RARB: variants seen among roughly 807,000 people sequenced by gnomAD.
RARB encodes the protein retinoic acid receptor beta.
RARB carries 17 observed loss-of-function variants against 51.9 expected under a neutral mutation model. The observed-to-expected ratio is 0.33, with a 90% CI of 0.22 to 0.49. The LOEUF is 0.49. Among genes scored for constraint, RARB ranks in the 20% least tolerant of loss-of-function variants. The pLI is 0.99. For missense variants in RARB, 369 were observed against 550.8 expected, an observed-to-expected ratio of 0.67 and a Z score of 3.30; for synonymous variants, 215 against 195.4, an observed-to-expected ratio of 1.10 and a Z score of -0.84.
intron 2 of RARB, among the ~76,000 whole-genome samples, chr3:24,932,329 G>T (rs1234416405): frequency 1.3e-5 from 2 of 151,808 alleles, no homozygotes; most frequent in African/African-American, 2.4e-5. Flanking sequence ...CACCAGAATG[G>T]GGGATCTGGG....
chr3:25,119,578 A>G (rs1157384235), intron 3 of RARB, among the ~76,000 whole-genome samples: 2 of 151,996 alleles, frequency 1.3e-5, no homozygotes, highest in African/African-American at 4.8e-5. Flanking sequence ...GGTGCAGCAC[A>G]GGACAGGTGG....
chr3:24,829,340 G>A (rs1265253317), exon 1 of RARB, among the ~76,000 whole-genome samples: 2 of 151,964 alleles, frequency 1.3e-5, no homozygotes, highest in Non-Finnish European at 2.9e-5. Context: ...CAGCGGCGGC[G>A]GCAGGGGCTG....
intron 2 of RARB, among the ~76,000 whole-genome samples, chr3:24,916,348 G>T (rs951730442): frequency 6.6e-6 from 1 of 152,238 alleles, no homozygotes; most frequent in Non-Finnish European, 1.5e-5. Context: ...AGGGCATCAG[G>T]AGAGTAAGAT....
chr3:25,053,659 A>G (rs541860293), intron 2 of RARB, among the ~76,000 whole-genome samples: 1 of 152,314 alleles, frequency 6.6e-6, no homozygotes, highest in East Asian at 1.9e-4. Context: ...GCCAATAAAT[A>G]TAGCCCATGT....
At chr3:25,342,451 T>G (rs1341844141) in intron 5 of RARB, among the ~76,000 whole-genome samples, 1 of 152,146 alleles carries the variant, frequency 6.6e-6, no homozygotes, top group African/African-American at 2.4e-5. Context: ...ACTTTCCCAT[T>G]CTCTCTTACA....
At chr3:25,373,276 A>C (rs371685839) in intron 5 of RARB, among the ~76,000 whole-genome samples, 13 of 152,252 alleles carry the variant, frequency 8.5e-5, no homozygotes, top group African/African-American at 3.1e-4. Context: ...GAGAGAAAGA[A>C]AGACAGTACT....
chr3:24,963,510 C>T (rs930672941), intron 2 of RARB, among the ~76,000 whole-genome samples: 25 of 150,316 alleles, frequency 1.7e-4, no homozygotes, highest in African/African-American at 4.7e-4. Flanking sequence ...GATTATTTTC[C>T]GTTACATTAT....
At chr3:25,143,069 A>G (rs1036640869) in intron 4 of RARB, among the ~76,000 whole-genome samples, 3 of 152,188 alleles carry the variant, frequency 2.0e-5, no homozygotes, top group East Asian at 1.9e-4. Flanking sequence ...TTCTGAGTAG[A>G]AGTTAGCCTG....
At chr3:25,541,452 G>T (rs910510894) in intron 3 of RARB, among the ~76,000 whole-genome samples, 14 of 152,156 alleles carry the variant, frequency 9.2e-5, no homozygotes, top group African/African-American at 3.4e-4. Context: ...TACCTCTCCA[G>T]TGCTTGCAAC....
chr3:25,235,168 T>C (rs1017457017), intron 5 of RARB, among the ~76,000 whole-genome samples: 3 of 152,120 alleles, frequency 2.0e-5, no homozygotes, highest in African/African-American at 7.2e-5. Flanking sequence ...ATTCTTCAAG[T>C]TTTTACTTCC....
intron 1 of RARB, among the ~76,000 whole-genome samples, chr3:25,437,059 C>A (rs1708464519): frequency 6.6e-6 from 1 of 151,842 alleles, no homozygotes; most frequent in Non-Finnish European, 1.5e-5. Flanking sequence ...ACCAGGTAGG[C>A]CTTCTGCCCT....
At chr3:25,570,524 C>T (rs952263010) in intron 4 of RARB, among the ~76,000 whole-genome samples, 4 of 152,178 alleles carry the variant, frequency 2.6e-5, no homozygotes, top group Admixed American at 2.6e-4. Context: ...CCTCTGCTTC[C>T]CAGCGTTCCA....
intron 3 of RARB, among the ~76,000 whole-genome samples, chr3:25,559,847 T>C (rs2125677447): frequency 6.6e-6 from 1 of 152,258 alleles, no homozygotes; most frequent in Non-Finnish European, 1.5e-5. Context: ...AATGGGCAGC[T>C]GCATTGGATA....
intron 5 of RARB, among the ~76,000 whole-genome samples, chr3:25,286,532 T>C (rs1487555647): frequency 3.9e-5 from 6 of 152,212 alleles, no homozygotes; most frequent in African/African-American, 1.4e-4. Flanking sequence ...TACAACATTG[T>C]TGAATTGACT....
intron 2 of RARB, among the ~76,000 whole-genome samples, chr3:25,018,858 T>G (rs570343470): frequency 6.6e-6 from 1 of 152,252 alleles, no homozygotes; most frequent in African/African-American, 2.4e-5. Context: ...GATAAGAAAC[T>G]TTCGTAAGCA....
chr3:24,929,990 T>A (rs1314973019), intron 2 of RARB, among the ~76,000 whole-genome samples: 1 of 152,122 alleles, frequency 6.6e-6, no homozygotes, highest in Non-Finnish European at 1.5e-5. Context: ...CAGAGTATGA[T>A]AGCTCAGTAA....
intron 2 of RARB, among the ~76,000 whole-genome samples, chr3:24,973,249 T>A (rs1029674799): frequency 1.3e-5 from 2 of 152,110 alleles, no homozygotes; most frequent in African/African-American, 2.4e-5. Flanking sequence ...TCCCATTGTA[T>A]GTACTTGGCA....
chr3:25,135,807 G>A (rs191862363), intron 4 of RARB, among the ~76,000 whole-genome samples: 28 of 152,006 alleles, frequency 1.8e-4, no homozygotes, highest in African/African-American at 6.8e-4. Context: ...ATATCAATCA[G>A]GCACCATGCA....
chr3:25,360,562 A>T (rs1025069577), intron 5 of RARB, among the ~76,000 whole-genome samples: 1 of 152,128 alleles, frequency 6.6e-6, no homozygotes, highest in Non-Finnish European at 1.5e-5. Flanking sequence ...GCGGTTTCTT[A>T]AGAGTGTCAA....
Sources: allele counts gnomAD v4.1 joint callset (sites outside exome capture counted in the v4.1 genomes callset), GRCh38; gene constraint gnomAD v4.1.1; transcripts MANE v1.5; gene names NCBI Gene and HGNC (gene_info 2026-07-23, HGNC 2026-07-21).